The following MINDY4 variants were observed in gnomAD, a reference collection of about 807,000 sequenced individuals.
The protein encoded by MINDY4 is MINDY lysine 48 deubiquitinase 4, also known as probable ubiquitin carboxyl-terminal hydrolase MINDY-4.
A neutral mutation model predicts 87.0 loss-of-function variants in MINDY4; 68 were observed. The ratio of observed to expected loss-of-function variants is 0.78; its 90% CI spans 0.64 to 0.96. The LOEUF (loss-of-function observed/expected upper bound fraction) is 0.96. Ranked by LOEUF, MINDY4 falls within the 40% of genes least tolerant of loss-of-function variation. The pLI, the probability that MINDY4 is intolerant of heterozygous loss-of-function variation, is 0.00. For missense variants in MINDY4, 919 were observed against 928.2 expected, an observed-to-expected ratio of 0.99 and a Z score of 0.13; for synonymous variants, 379 against 363.2, an observed-to-expected ratio of 1.04 and a Z score of -0.50.
Position 30,821,819 on chromosome 7 carries a change from T to A in MINDY4, c.1074-6860T>A, listed in dbSNP as rs540377625. Among the ~76,000 whole-genome samples the A allele has an allele frequency of 9.7e-4, 148 of 152,354 alleles. 3 individuals are homozygous for A. Among genetic ancestry groups the A allele is most frequent in the Admixed American group, 9.5e-3 (146 of 15,306 alleles). ...TCTGATAGCTCTTAGTAGTTAATGA[T>A]GTCTTCACTAATCTACTGTTTATGT... is the stretch of plus-strand genomic sequence containing the variant. On this transcript the variant is annotated intron_variant, in intron 5 of 17. Transcript: ENST00000265299.
intron 6 of MINDY4, among the ~76,000 whole-genome samples, chr7:30,835,945 G>A (rs1788845028): frequency 6.6e-6 from 1 of 152,180 alleles, no homozygotes. Context: ...ACAATATCTG[G>A]AATATGGCTT....
chr7:30,822,163 T>C (rs929952094), intron 5 of MINDY4, among the ~76,000 whole-genome samples: 1 of 123,838 alleles, frequency 8.1e-6, no homozygotes, highest in Non-Finnish European at 1.6e-5. Context: ...ACAAAATTTC[T>C]TTCTTTCTTT....
chr7:30,809,195 C>A (rs1201431466), intron 5 of MINDY4, among the ~76,000 whole-genome samples: 1 of 152,040 alleles, frequency 6.6e-6, no homozygotes, highest in Non-Finnish European at 1.5e-5. Flanking sequence ...GGGTGTATCC[C>A]GAAAGCACTG....
chr7:30,813,408 A>G (rs1049696384), intron 5 of MINDY4, among the ~76,000 whole-genome samples: 5 of 152,152 alleles, frequency 3.3e-5, no homozygotes, highest in African/African-American at 4.8e-5. Flanking sequence ...GTTCATGGAA[A>G]GTTTCAGTAC....
At chr7:30,855,071 A>G (rs776212262) in intron 12 of MINDY4, among the ~76,000 whole-genome samples, 15 of 152,224 alleles carry the variant, frequency 9.9e-5, no homozygotes, top group African/African-American at 1.4e-4. Context: ...CAGTAGGCCA[A>G]CTGCTGATGC....
In MINDY4 at chr7:30,886,196, G is replaced by C. The variant is rs563480816; in HGVS notation, c.2225+3203G>C. On this transcript the variant is annotated intron_variant, in intron 17 of 17. Coordinates refer to ENST00000265299, the MANE Select transcript of MINDY4 (RefSeq NM_032222.3). ...ATCTTGTCCATCTTGCTCGGTAGGTGGGGCTGCAGGGTAGGCCAGTCTGGT... is the reference window on the plus strand; with the variant it reads ...ATCTTGTCCATCTTGCTCGGTAGGTCGGGCTGCAGGGTAGGCCAGTCTGGT... Among the ~76,000 whole-genome samples, 6 of 152,264 alleles carry C rather than the reference G, an allele frequency of 3.9e-5. No homozygotes were observed. The South Asian group carries it at 8.3e-4, about 21-fold the overall frequency.
chr7:30,828,800 G>C (rs368109120), intron 6 of MINDY4, 63 bp downstream of exon 6: 115 of 1,562,926 alleles, frequency 7.4e-5, no homozygotes, highest in Non-Finnish European at 9.2e-5. Flanking sequence ...CGTTGGCTCT[G>C]TCTGGGAGAT....
intron 5 of MINDY4, among the ~76,000 whole-genome samples, chr7:30,815,915 G>T (rs1438738936): frequency 2.6e-5 from 4 of 152,296 alleles, no homozygotes; most frequent in African/African-American, 9.6e-5. Flanking sequence ...TTAAGAAAAT[G>T]AAGGCAGTGC....
intron 9 of MINDY4, among the ~76,000 whole-genome samples, chr7:30,845,204 G>A (rs1401301702): frequency 6.6e-6 from 1 of 152,150 alleles, no homozygotes; most frequent in Non-Finnish European, 1.5e-5. Context: ...GGGTGGCTCT[G>A]TTCATGAACG....
chr7:30,876,780 T>G, intron 15 of MINDY4, among the ~76,000 whole-genome samples: 1 of 152,074 alleles, frequency 6.6e-6, no homozygotes, highest in East Asian at 1.9e-4. Flanking sequence ...CCTGCAAAGA[T>G]TCTTGGAGGG....
chr7:30,819,297 A>C (rs1788252557), intron 5 of MINDY4, among the ~76,000 whole-genome samples: 2 of 152,184 alleles, frequency 1.3e-5, no homozygotes. Flanking sequence ...AAAATTTTCT[A>C]ATGCATGGGT....
rs1584365849 is a variant in MINDY4 at position 30,892,185 on chromosome 7, G to A, written c.*180G>A. On this transcript the variant is annotated 3_prime_UTR_variant, in exon 18 of 18. Transcript: ENST00000265299. ...AGGGCCCACCCAAGACTGTGCTGGG[G>A]ACCCAGTGTGTTGCTGGGTCCCCTC... 13 of 624,540 alleles carry A rather than the reference G, an allele frequency of 2.1e-5. No individual in the cohort carries two copies. In the East Asian group the frequency reaches 3.3e-4, roughly 16 times the overall value. The allele number at this position is 624,540 out of a possible 1,614,324, so 38.7% of individuals were successfully genotyped here.
At chr7:30,831,310 T>C (rs143683014) in intron 6 of MINDY4, among the ~76,000 whole-genome samples, 139 of 152,266 alleles carry the variant, frequency 9.1e-4, no homozygotes, top group African/African-American at 3.2e-3. Context: ...CTAGGTTATG[T>C]TGTAATTTTT....
Position 30,882,278 on chromosome 7 carries a change from G to C in MINDY4, c.2069G>C (p.Arg690Pro). The C allele has an allele frequency of 1.2e-6, 2 of 1,613,984 alleles. No homozygotes were observed. The highest frequency in any genetic ancestry group is 1.7e-6 in the Non-Finnish European group (2 of 1,179,892). The change falls in exon 16 of 18, where the codon CGT becomes CCT. Residue 690 changes from arginine to proline, a missense_variant. Coordinates refer to ENST00000265299, the MANE Select transcript of MINDY4 (RefSeq NM_032222.3). ...TTTAGCCTGCAGCCGGGGCTCCTGC[G>C]TGACTGGAGGACTGAGAGGCTCTTT... is the stretch of plus-strand genomic sequence containing the variant. ...ILFSLQPGLLRDWRTERLFDL... is the reference protein window; with the variant it reads ...ILFSLQPGLLPDWRTERLFDL...
rs868158965 is a variant in MINDY4, at chr7:30,808,788, T to A, written c.1073+17214T>A. 2.6e-5 allele frequency among the ~76,000 whole-genome samples: 4 copies of A among 152,180 alleles called. No individual in the cohort carries two copies. The South Asian group carries it at 8.3e-4, about 32-fold the overall frequency. On this transcript the variant is annotated intron_variant, in intron 5 of 17. Coordinates refer to ENST00000265299, the MANE Select transcript of MINDY4 (RefSeq NM_032222.3). ...CAGTTCCTGTACATAGACACTTGGT[T>A]ACAGCTGGTTTTAGAGCCCCGTCGT...
At chr7:30,783,447 G>C (rs1787063201) in intron 3 of MINDY4, among the ~76,000 whole-genome samples, 1 of 152,100 alleles carries the variant, frequency 6.6e-6, no homozygotes, top group Non-Finnish European at 1.5e-5. Context: ...CCAAAAATGG[G>C]TTAACCCACT....
intron 13 of MINDY4, among the ~76,000 whole-genome samples, chr7:30,867,756 C>G (rs1260616873): frequency 1.3e-5 from 2 of 152,144 alleles, no homozygotes; most frequent in East Asian, 1.9e-4. Context: ...AGGAGCTGGC[C>G]TGGTAGGACA....
In MINDY4 at chr7:30,836,752, C is replaced by T; in HGVS notation, c.1227C>T (p.Leu409=). Residue 409 remains leucine (L), a synonymous_variant, in exon 7 of 18, where the codon CTC becomes CTT. Transcript: ENST00000265299. ...AGACAGCATCAAAACCAATTGACCT[C>T]TCAGTAGCAAAGGTAAGTGTAAGGA... ...KLQTASKPID[L]SVAKEIKTLL... is the part of the protein sequence containing the mutation. 1 of 1,613,812 alleles carries T rather than the reference C, an allele frequency of 6.2e-7. No homozygotes were observed. Among genetic ancestry groups the T allele is most frequent in the Non-Finnish European group, 8.5e-7 (1 of 1,179,716 alleles).
chr7:30,875,609 A>G lies in MINDY4; in HGVS notation c.1924A>G (p.Ser642Gly), dbSNP rs776707155. Residue 642 changes from serine to glycine, a missense_variant, in exon 15 of 18, where the codon AGT (serine) becomes GGT (glycine). Transcript: ENST00000265299. ...ACTTCTCAGAGGCATTGCTGCACGC[A>G]GTGATATTGGCTTCTTATCTCTCTT... is the stretch of plus-strand genomic sequence containing the variant. Reference protein sequence around the residue: ...ITLLRGIAARSDIGFLSLFEH... With the variant: ...ITLLRGIAARGDIGFLSLFEH... 6.2e-7 allele frequency: 1 copy of G among 1,614,112 alleles called. No homozygotes were observed. Among genetic ancestry groups the G allele is most frequent in the Admixed American group, 1.7e-5 (1 of 60,018 alleles).
Sources: gnomAD v4.1 joint callset for allele counts (sites outside exome capture counted in the v4.1 genomes callset) on GRCh38, gnomAD v4.1.1 for gene constraint, MANE v1.5 for transcripts, NCBI Gene and HGNC (gene_info 2026-07-23, HGNC 2026-07-21) for gene names.